The following ADAMTS6 variants were observed in gnomAD, a reference collection of about 807,000 sequenced individuals.
ADAMTS6 encodes the protein ADAM metallopeptidase with thrombospondin type 1 motif 6.
A neutral mutation model predicts 144.3 loss-of-function variants in ADAMTS6; 23 were observed. The observed-to-expected ratio is 0.16, with a 90% CI of 0.11 to 0.23. The LOEUF is 0.23. Ranked by LOEUF, ADAMTS6 falls within the 10% of genes least tolerant of loss-of-function variation. The pLI is 1.00. For missense variants in ADAMTS6, 999 were observed against 1,379.6 expected (o/e 0.72, Z 4.37); for synonymous variants, 444 against 457.5 (o/e 0.97, Z 0.38).
intron 7 of ADAMTS6, among the ~76,000 whole-genome samples, chr5:65,397,876 TAAAA>T (rs34170790): frequency 8.2e-6 from 1 of 121,696 alleles, no homozygotes; most frequent in Non-Finnish European, 1.7e-5. Context: ...GACCCTGTCT[TAAAA>T]AAAAAAAAAA....
intron 6 of ADAMTS6, 137 bp from the exon 7 acceptor site, chr5:65,451,757 T>C: frequency 9.9e-7 from 1 of 1,008,660 alleles, no homozygotes. Flanking sequence ...TTTATCTCTG[T>C]AATATCTGAC....
chr5:65,267,614 T>C (rs189251296), intron 12 of ADAMTS6, among the ~76,000 whole-genome samples: 45 of 152,292 alleles, frequency 3.0e-4, no homozygotes, highest in African/African-American at 1.1e-3. Flanking sequence ...CAAGGGACTT[T>C]AAGAAAGATA....
chr5:65,290,463 A>G lies in ADAMTS6; in HGVS notation c.1512+866T>C, dbSNP rs931590798. ...CTACTCAGGAGACTGAGGCAGGAGA[A>G]TTGCTTGAACCCAGGAGACAGAGGT... On this transcript the variant is annotated intron_variant, in intron 11 of 24. Coordinates refer to ENST00000381055, the MANE Select transcript of ADAMTS6 (RefSeq NM_197941.4). Among the ~76,000 whole-genome samples the G allele has an allele frequency of 2.0e-5, 3 of 152,202 alleles. No homozygotes were observed. In the South Asian group the frequency reaches 6.2e-4, roughly 32 times the overall value.
intron 4 of ADAMTS6, among the ~76,000 whole-genome samples, chr5:65,454,386 G>A (rs1759021059): frequency 6.6e-6 from 1 of 152,192 alleles, no homozygotes; most frequent in Admixed American, 6.5e-5. Flanking sequence ...AGTTAAATGA[G>A]TGTCTTCATC....
intron 9 of ADAMTS6, among the ~76,000 whole-genome samples, chr5:65,320,920 T>G (rs1277468994): frequency 2.0e-5 from 3 of 152,210 alleles, no homozygotes; most frequent in Non-Finnish European, 4.4e-5. Context: ...ATGGTGTGCA[T>G]GTACCACATT....
intron 18 of ADAMTS6, among the ~76,000 whole-genome samples, chr5:65,223,885 T>C (rs934318393): frequency 1.3e-5 from 2 of 151,552 alleles, no homozygotes; most frequent in African/African-American, 4.9e-5. Context: ...CTGCAAGCTC[T>C]GCCTCCTGGG....
chr5:65,163,510 G>A (rs1752916405), intron 24 of ADAMTS6, among the ~76,000 whole-genome samples: 1 of 152,138 alleles, frequency 6.6e-6, no homozygotes, highest in Admixed American at 6.5e-5. Flanking sequence ...AAGGTGTCTG[G>A]ATCTTGTCAT....
intron 11 of ADAMTS6, among the ~76,000 whole-genome samples, chr5:65,284,963 C>T (rs989666413): frequency 6.6e-6 from 1 of 151,984 alleles, no homozygotes; most frequent in African/African-American, 2.4e-5. Context: ...TCTATATTTA[C>T]CTATAAAAGT....
intron 9 of ADAMTS6, among the ~76,000 whole-genome samples, chr5:65,326,987 G>A (rs563492427): frequency 5.3e-5 from 8 of 152,306 alleles, no homozygotes; most frequent in African/African-American, 1.9e-4. Flanking sequence ...ATATTGAAAT[G>A]TGATCCCAAA....
At chr5:65,382,954 A>G (rs1376405335) in intron 7 of ADAMTS6, among the ~76,000 whole-genome samples, 1 of 152,214 alleles carries the variant, frequency 6.6e-6, no homozygotes, top group African/African-American at 2.4e-5. Context: ...GTGAAAGTCC[A>G]CTTCCTAAAT....
intron 7 of ADAMTS6, among the ~76,000 whole-genome samples, chr5:65,416,771 A>G (rs1331487739): frequency 6.7e-6 from 1 of 150,042 alleles, no homozygotes; most frequent in Admixed American, 6.6e-5. Context: ...AAAAACCAAC[A>G]ACAACAACAA....
chr5:65,293,000 T>C (rs1408702759), intron 10 of ADAMTS6, among the ~76,000 whole-genome samples: 1 of 152,120 alleles, frequency 6.6e-6, no homozygotes, highest in Non-Finnish European at 1.5e-5. Context: ...TAAATAATGC[T>C]TTTTTGGCTT....
chr5:65,210,809 G>C, intron 20 of ADAMTS6: 1 of 519,284 alleles, frequency 1.9e-6, no homozygotes, highest in Non-Finnish European at 3.6e-6. Flanking sequence ...ATAAAGAACA[G>C]TGTAACTCCA....
intron 24 of ADAMTS6, among the ~76,000 whole-genome samples, chr5:65,162,343 G>C (rs1444372636): frequency 6.6e-6 from 1 of 152,130 alleles, no homozygotes; most frequent in East Asian, 1.9e-4. Context: ...TTAATCTATT[G>C]AATTAGGCTG....
chr5:65,414,477 A>G (rs1378803702), intron 7 of ADAMTS6, among the ~76,000 whole-genome samples: 1 of 152,140 alleles, frequency 6.6e-6, no homozygotes, highest in Non-Finnish European at 1.5e-5. Flanking sequence ...TGATGAAAAC[A>G]AATAAAACTA....
chr5:65,257,607 A>G (rs986697776), intron 14 of ADAMTS6, among the ~76,000 whole-genome samples: 2 of 152,146 alleles, frequency 1.3e-5, no homozygotes, highest in African/African-American at 4.8e-5. Context: ...ATCCATTCTC[A>G]TCTAAAGCAT....
intron 12 of ADAMTS6, among the ~76,000 whole-genome samples, chr5:65,270,414 T>C (rs1241852983): frequency 1.3e-5 from 2 of 152,206 alleles, no homozygotes; most frequent in Admixed American, 6.5e-5. Context: ...TCAATACAGT[T>C]AGTAAAAGAT....
chr5:65,326,827 T>C (rs1167486463), intron 9 of ADAMTS6, among the ~76,000 whole-genome samples: 2 of 152,120 alleles, frequency 1.3e-5, no homozygotes, highest in Non-Finnish European at 2.9e-5. Context: ...GACCGCTAAG[T>C]CCCTAAAGGC....
chr5:65,470,688 A>AT, intron 3 of ADAMTS6, 90 bp downstream of exon 3: 9 of 1,044,036 alleles, frequency 8.6e-6, no homozygotes, highest in South Asian at 2.1e-5. Context: ...CTATATATAT[A>AT]TATATTTTTT....
Sources: allele counts gnomAD v4.1 joint callset (sites outside exome capture counted in the v4.1 genomes callset), GRCh38; gene constraint gnomAD v4.1.1; transcripts MANE v1.5; gene names NCBI Gene and HGNC (gene_info 2026-07-23, HGNC 2026-07-21).